Variants in CFAP54 observed in about 807,000 individuals in gnomAD.
CFAP54 encodes the protein cilia and flagella associated protein 54.
A neutral mutation model predicts 370.4 loss-of-function variants in CFAP54; 290 were observed. The ratio of observed to expected loss-of-function variants is 0.78; its 90% CI spans 0.71 to 0.86. CFAP54 has a LOEUF of 0.86. Among genes scored for constraint, CFAP54 ranks in the 40% least tolerant of loss-of-function variants. The pLI, the probability that CFAP54 is intolerant of heterozygous loss-of-function variation, is 0.00. For missense variants in CFAP54, 3,399 were observed against 3,528.7 expected (o/e 0.96, Z 0.93); for synonymous variants, 1,206 against 1,236.5 (o/e 0.98, Z 0.52).
chr12:96,813,917 A>G (rs2136730374), intron 64 of CFAP54, among the ~76,000 whole-genome samples: 1 of 152,318 alleles, frequency 6.6e-6, no homozygotes, highest in Middle Eastern at 3.4e-3. Flanking sequence ...GTGAGGGGCA[A>G]ATGCATGCCA....
At chr12:96,644,708 G>A (rs1956770229) in intron 33 of CFAP54, among the ~76,000 whole-genome samples, 1 of 152,182 alleles carries the variant, frequency 6.6e-6, no homozygotes, top group African/African-American at 2.4e-5. Context: ...AGAGAGAAGT[G>A]CAAGGGAAAT....
At chr12:96,703,660 A>G (rs1309410494) in intron 46 of CFAP54, among the ~76,000 whole-genome samples, 1 of 152,152 alleles carries the variant, frequency 6.6e-6, no homozygotes, top group Non-Finnish European at 1.5e-5. Flanking sequence ...GACAAGTAAT[A>G]CACCAAAAAG....
intron 13 of CFAP54, among the ~76,000 whole-genome samples, chr12:96,539,406 G>T (rs116450156): frequency 1.3e-5 from 2 of 151,998 alleles, no homozygotes; most frequent in African/African-American, 2.4e-5. Context: ...AGGCACAGGG[G>T]CTGACACCTG....
chr12:96,734,171 G>A (rs1957955238), intron 50 of CFAP54, among the ~76,000 whole-genome samples: 1 of 152,080 alleles, frequency 6.6e-6, no homozygotes, highest in Non-Finnish European at 1.5e-5. Context: ...AAAATCTTGA[G>A]AGTTTAAAAT....
At chr12:96,873,503 A>G (rs1960216268) in intron 67 of CFAP54, among the ~76,000 whole-genome samples, 1 of 152,198 alleles carries the variant, frequency 6.6e-6, no homozygotes, top group African/African-American at 2.4e-5. Context: ...CAGTTATCTC[A>G]GCAGTCCCCT....
intron 67 of CFAP54, among the ~76,000 whole-genome samples, chr12:96,869,732 T>C (rs886804311): frequency 6.6e-6 from 1 of 151,404 alleles, no homozygotes; most frequent in Non-Finnish European, 1.5e-5. Flanking sequence ...GGTCGGGAGT[T>C]GGAAACCAGC....
At chr12:96,559,861 T>TA (rs1361674155) in intron 17 of CFAP54, among the ~76,000 whole-genome samples, 1 of 152,274 alleles carries the variant, frequency 6.6e-6, no homozygotes, top group East Asian at 1.9e-4. Context: ...AATTATTTTT[T>TA]AGCATCCAAT....
intron 26 of CFAP54, among the ~76,000 whole-genome samples, chr12:96,617,922 A>G (rs957384804): frequency 4.1e-5 from 6 of 148,120 alleles, no homozygotes; most frequent in Admixed American, 2.8e-4. Flanking sequence ...CCCGGGAGGC[A>G]GAGCTTGCAG....
intron 25 of CFAP54, among the ~76,000 whole-genome samples, chr12:96,597,845 T>C (rs1445081077): frequency 6.6e-6 from 1 of 151,916 alleles, no homozygotes; most frequent in African/African-American, 2.4e-5. Flanking sequence ...TTATATGAGC[T>C]TCGGGAAAAC....
At chr12:96,755,756 C>A (rs1031223948) in intron 56 of CFAP54, among the ~76,000 whole-genome samples, 1 of 149,792 alleles carries the variant, frequency 6.7e-6, no homozygotes, top group African/African-American at 2.5e-5. Flanking sequence ...CAACCTCCAC[C>A]TCCCAGGTTC....
intron 32 of CFAP54, among the ~76,000 whole-genome samples, chr12:96,639,947 C>G (rs1375110565): frequency 2.0e-5 from 3 of 151,710 alleles, no homozygotes; most frequent in South Asian, 2.1e-4. Context: ...TAAGAGCTAT[C>G]TATGACAAAC....
chr12:96,637,532 G>A (rs1956675114), intron 32 of CFAP54, among the ~76,000 whole-genome samples: 2 of 152,164 alleles, frequency 1.3e-5, no homozygotes, highest in African/African-American at 2.4e-5. Context: ...TTTTTGAGAA[G>A]TGCTACAGTT....
intron 1 of CFAP54, among the ~76,000 whole-genome samples, chr12:96,493,260 A>G (rs1049967535): frequency 1.3e-5 from 2 of 152,252 alleles, no homozygotes; most frequent in Non-Finnish European, 2.9e-5. Flanking sequence ...GGTGAACAAA[A>G]TAGATATGGG....
At chr12:96,840,344 G>A (rs1372494487) in intron 66 of CFAP54, among the ~76,000 whole-genome samples, 1 of 152,176 alleles carries the variant, frequency 6.6e-6, no homozygotes, top group Admixed American at 6.6e-5. Context: ...TGATGTGGAA[G>A]AGCTTCCACT....
intron 45 of CFAP54, among the ~76,000 whole-genome samples, chr12:96,696,087 A>C (rs1357401099): frequency 6.6e-6 from 1 of 152,222 alleles, no homozygotes; most frequent in Non-Finnish European, 1.5e-5. Flanking sequence ...AGTAGAATTC[A>C]TGGAGCAGGA....
intron 1 of CFAP54, among the ~76,000 whole-genome samples, chr12:96,493,658 CGTG>C (rs1161420729): frequency 6.6e-6 from 1 of 152,006 alleles, no homozygotes; most frequent in African/African-American, 2.4e-5. Context: ...ATTAGTCGGG[CGTG>C]GTGGTGGGCG....
At chr12:96,874,818 A>T (rs39658) in intron 67 of CFAP54, among the ~76,000 whole-genome samples, 21,724 of 149,972 alleles carry the variant, frequency 0.14, 1,750 homozygotes, top group Middle Eastern at 0.27. Context: ...TTTAGTAGAG[A>T]CGGGGTTTCA....
intron 60 of CFAP54, among the ~76,000 whole-genome samples, chr12:96,771,631 A>G (rs539859562): frequency 1.1e-4 from 16 of 152,326 alleles, no homozygotes; most frequent in Middle Eastern, 3.4e-3. Flanking sequence ...CGGCCTGGGC[A>G]AAAGAGCGAG....
At position 96,663,865 on chromosome 12, in the gene CFAP54, G is replaced by C. The variant is rs537165627; in HGVS notation, c.5496G>C (p.Lys1832Asn). 27 of 1,613,280 alleles carry C rather than the reference G, an allele frequency of 1.7e-5. No individual in the cohort carries two copies. In the East Asian group the frequency reaches 5.1e-4, roughly 31 times the overall value. Reference sequence around the variant, plus strand: ...GAAATTTCATTGGGAAGCAGCTTAAGATTAATTCTTCAACCATTGAAGCAA... The same window carrying C: ...GAAATTTCATTGGGAAGCAGCTTAACATTAATTCTTCAACCATTGAAGCAA... Reference protein sequence around the residue: ...TCRNFIGKQLKINSSTIEATS... With the variant: ...TCRNFIGKQLNINSSTIEATS... Residue 1832 changes from lysine (K) to asparagine (N), a missense_variant, in exon 39 of 68, where the codon AAG becomes AAC. By Grantham distance (94) the Lys-to-Asn change is moderately conservative. This residue lies in a region of CFAP54 where 2,796 missense variants were observed against 2,869.7 expected (regional missense o/e 0.97). Coordinates refer to ENST00000524981, the MANE Select transcript of CFAP54 (RefSeq NM_001306084.2).
Sources: gnomAD v4.1 joint callset for allele counts (sites outside exome capture counted in the v4.1 genomes callset) on GRCh38, gnomAD v4.1.1 for gene constraint, gnomAD v4.1.1 regional missense constraint, MANE v1.5 for transcripts, NCBI Gene and HGNC (gene_info 2026-07-23, HGNC 2026-07-21) for gene names.